The following CPT1A variants were observed in gnomAD, a reference collection of about 807,000 sequenced individuals.
The protein encoded by CPT1A is carnitine palmitoyltransferase 1A, also known as carnitine O-palmitoyltransferase 1, liver isoform.
In CPT1A, 64 loss-of-function variants were observed where a neutral mutation model predicts 100.8. That is an observed-to-expected ratio of 0.63 (90% CI 0.52 to 0.78). CPT1A has a LOEUF of 0.78. CPT1A is among the 30% of genes least tolerant of loss of function. The pLI is 0.00. For missense variants in CPT1A, 802 were observed against 1,034.1 expected (o/e 0.78, Z 3.08); for synonymous variants, 363 against 396.0 (o/e 0.92, Z 0.99).
chr11:68,762,834 A>G, intron 14 of CPT1A, 73 bp from the exon 15 acceptor site: 1 of 1,592,410 alleles, frequency 6.3e-7, no homozygotes, highest in Non-Finnish European at 8.6e-7. Flanking sequence ...AGGATTGGGT[A>G]AGATTGGCAA....
At chr11:68,798,099 T>C (rs537273489) in intron 6 of CPT1A, among the ~76,000 whole-genome samples, 43 of 152,210 alleles carry the variant, frequency 2.8e-4, no homozygotes, top group Non-Finnish European at 4.8e-4. Context: ...TAACCTGGTG[T>C]TCCGCAGGTG....
intron 2 of CPT1A, among the ~76,000 whole-genome samples, chr11:68,812,901 G>A (rs1856257692): frequency 1.3e-5 from 2 of 151,900 alleles, no homozygotes; most frequent in Admixed American, 1.3e-4. Context: ...CCACCATGAC[G>A]TCCTGTCCCC....
intron 1 of CPT1A, among the ~76,000 whole-genome samples, chr11:68,824,966 T>C (rs556348822): frequency 4.4e-4 from 67 of 152,116 alleles, no homozygotes; most frequent in East Asian, 7.8e-4. Context: ...ACCCAGCTGA[T>C]TTTTGTATTT....
rs41302431 is a variant in CPT1A, at chr11:68,807,709, G to A, written c.282-71C>T. On this transcript the variant is annotated intron_variant, in intron 3 of 18. Transcript: ENST00000265641. Reference sequence around the variant, plus strand: ...CGGTGCCACCAACACCACCGGTGACGCCACAGACACCACGTGCTGCAGGGT... The same window carrying A: ...CGGTGCCACCAACACCACCGGTGACACCACAGACACCACGTGCTGCAGGGT... 0.04 allele frequency: 59,261 copies of A among 1,479,964 alleles called. 1,391 individuals are homozygous for A. The highest frequency in any genetic ancestry group is 0.044 in the Non-Finnish European group (47,261 of 1,069,392). The allele number at this position is 1,479,964 out of a possible 1,614,324, so 91.7% of individuals were successfully genotyped here.
intron 1 of CPT1A, among the ~76,000 whole-genome samples, chr11:68,830,920 A>T (rs1037523916): frequency 6.6e-5 from 10 of 152,228 alleles, no homozygotes; most frequent in African/African-American, 2.2e-4. Flanking sequence ...TCTCAAGGAC[A>T]TGAATCCTTG....
chr11:68,766,271 C>T (rs2924670), intron 14 of CPT1A, among the ~76,000 whole-genome samples: 2 of 151,860 alleles, frequency 1.3e-5, no homozygotes, highest in African/African-American at 4.8e-5. Flanking sequence ...GGTCCCCAGG[C>T]TCTCCTAGGC....
chr11:68,805,792 G>A (rs925296853), intron 4 of CPT1A, among the ~76,000 whole-genome samples: 1 of 152,214 alleles, frequency 6.6e-6, no homozygotes, highest in Non-Finnish European at 1.5e-5. Context: ...GGTGAATAAA[G>A]CAGATGTTTC....
At chr11:68,771,571 G>A (rs918968954) in intron 14 of CPT1A, among the ~76,000 whole-genome samples, 1 of 152,096 alleles carries the variant, frequency 6.6e-6, no homozygotes, top group East Asian at 1.9e-4. Flanking sequence ...TGTGCTCCTG[G>A]TACTCTGCCC....
At chr11:68,832,326 C>A (rs1217167675) in intron 1 of CPT1A, among the ~76,000 whole-genome samples, 2 of 152,098 alleles carry the variant, frequency 1.3e-5, no homozygotes, top group Non-Finnish European at 2.9e-5. Flanking sequence ...GGCATGCACC[C>A]GTAGTCCCAG....
chr11:68,764,730 A>G (rs1243270347), intron 14 of CPT1A, among the ~76,000 whole-genome samples: 1 of 152,206 alleles, frequency 6.6e-6, no homozygotes, highest in Non-Finnish European at 1.5e-5. Context: ...GGCCCCTGAA[A>G]GGCAGAAGGA....
intron 1 of CPT1A, among the ~76,000 whole-genome samples, chr11:68,824,912 C>A (rs1856683538): frequency 6.6e-6 from 1 of 150,996 alleles, no homozygotes; most frequent in African/African-American, 2.4e-5. Flanking sequence ...AATTCTCCTG[C>A]CTCAGCCTCC....
chr11:68,809,225 G>A (rs764294245), intron 3 of CPT1A, among the ~76,000 whole-genome samples: 16 of 151,988 alleles, frequency 1.1e-4, no homozygotes, highest in South Asian at 8.3e-4. Flanking sequence ...AAACAAACTT[G>A]GGTTTAGGGA....
At chr11:68,835,540 G>A (rs1329491203) in intron 1 of CPT1A, among the ~76,000 whole-genome samples, 2 of 152,208 alleles carry the variant, frequency 1.3e-5, no homozygotes, top group Non-Finnish European at 1.5e-5. Context: ...GCTAGAGCCT[G>A]TATTTACTTT....
chr11:68,829,179 G>A (rs1856819067), intron 1 of CPT1A, among the ~76,000 whole-genome samples: 3 of 152,134 alleles, frequency 2.0e-5, no homozygotes, highest in Admixed American at 2.0e-4. Context: ...CCCAGAACCT[G>A]CTGATGTGAA....
intron 1 of CPT1A, among the ~76,000 whole-genome samples, chr11:68,837,339 C>T (rs148465212): frequency 2.0e-5 from 3 of 152,174 alleles, no homozygotes; most frequent in Non-Finnish European, 2.9e-5. Context: ...TGAGCCACTG[C>T]GCTTAGCTGA....
intron 1 of CPT1A, chr11:68,839,499 T>G: frequency 1.0e-6 from 1 of 985,000 alleles, no homozygotes. Context: ...CCGGAGCGAG[T>G]TGGCGCGCGT....
At chr11:68,789,076 G>A (rs1298308424) in intron 9 of CPT1A, among the ~76,000 whole-genome samples, 3 of 152,142 alleles carry the variant, frequency 2.0e-5, no homozygotes, top group East Asian at 1.9e-4. Context: ...ATACTATAAC[G>A]AAGTACATCA....
intron 4 of CPT1A, among the ~76,000 whole-genome samples, chr11:68,805,450 CAA>C (rs35857185): frequency 1.5e-5 from 2 of 134,558 alleles, no homozygotes; most frequent in Admixed American, 7.5e-5. Flanking sequence ...GATGCTGTCT[CAA>C]AAAAAAAAAA....
intron 4 of CPT1A, among the ~76,000 whole-genome samples, chr11:68,806,953 T>C (rs1236316984): frequency 6.6e-6 from 1 of 151,676 alleles, no homozygotes; most frequent in Non-Finnish European, 1.5e-5. Flanking sequence ...AATGAAAAAA[T>C]ATAAATATAA....
Sources: gnomAD v4.1 joint callset for allele counts (sites outside exome capture counted in the v4.1 genomes callset) on GRCh38, gnomAD v4.1.1 for gene constraint, MANE v1.5 for transcripts, NCBI Gene and HGNC (gene_info 2026-07-23, HGNC 2026-07-21) for gene names.